OLFM1: variants seen among roughly 807,000 people sequenced by gnomAD.
The protein encoded by OLFM1 is noelin.
In OLFM1, 9 loss-of-function variants were observed where a neutral mutation model predicts 49.7. The ratio of observed to expected loss-of-function variants is 0.18; its 90% CI spans 0.11 to 0.32. The LOEUF is 0.32. OLFM1 is among the 10% of genes least tolerant of loss of function. OLFM1 has a pLI of 1.00. For missense variants in OLFM1, 369 were observed against 661.8 expected, an observed-to-expected ratio of 0.56 and a Z score of 4.85; for synonymous variants, 240 against 271.8, an observed-to-expected ratio of 0.88 and a Z score of 1.15.
chr9:135,118,361 A>ATGCTCACTGGGTCTTTGGAG (rs1831125547), intron 5 of OLFM1, among the ~76,000 whole-genome samples: 2 of 120,998 alleles, frequency 1.7e-5, no homozygotes, highest in Non-Finnish European at 3.4e-5. Context: ...GTCTTTGGAA[A>ATGCTCACTGGGTCTTTGGAG]TGCTCACTGG....
At chr9:135,077,314 C>T (rs751842425) in intron 1 of OLFM1, 54 of 1,403,344 alleles carry the variant, frequency 3.8e-5, no homozygotes, top group Middle Eastern at 5.3e-4. Context: ...TGGACATGGC[C>T]GCACCCAAGG....
chr9:135,086,171 G>A (rs1588204008), upstream of OLFM1, among the ~76,000 whole-genome samples: 1 of 152,216 alleles, frequency 6.6e-6, no homozygotes, highest in Non-Finnish European at 1.5e-5. Flanking sequence ...CAGCCCAACC[G>A]GACTTGTGTC....
chr9:135,097,145 C>T (rs1024472332), intron 3 of OLFM1, among the ~76,000 whole-genome samples: 2 of 152,122 alleles, frequency 1.3e-5, no homozygotes, highest in African/African-American at 2.4e-5. Flanking sequence ...TGTTTTTCTT[C>T]GATGTGCTCC....
intron 1 of OLFM1, among the ~76,000 whole-genome samples, chr9:135,079,317 G>A (rs993545384): frequency 1.9e-4 from 29 of 152,130 alleles, no homozygotes; most frequent in Non-Finnish European, 1.5e-4. Flanking sequence ...TAGTGAGCCC[G>A]GGGGAAAGAA....
upstream of OLFM1, among the ~76,000 whole-genome samples, chr9:135,085,236 G>A (rs55897348): frequency 1.3e-4 from 20 of 152,312 alleles, no homozygotes; most frequent in African/African-American, 2.4e-4. Context: ...TCCCACGAGC[G>A]TGGAAGGCAA....
intron 1 of OLFM1, chr9:135,076,027 C>G: frequency 6.9e-7 from 1 of 1,447,862 alleles, no homozygotes; most frequent in East Asian, 2.6e-5. Flanking sequence ...CCCGGCTCAG[C>G]AGAGCTGACA....
intron 4 of OLFM1, among the ~76,000 whole-genome samples, chr9:135,101,810 C>G (rs576253119): frequency 6.6e-6 from 1 of 152,374 alleles, no homozygotes; most frequent in African/African-American, 2.4e-5. Context: ...CATGGAGCTC[C>G]CGGGGCGTGG....
chr9:135,094,118 G>C (rs1159975625), intron 2 of OLFM1, among the ~76,000 whole-genome samples: 1 of 152,146 alleles, frequency 6.6e-6, no homozygotes, highest in African/African-American at 2.4e-5. Context: ...AATGGAGAGA[G>C]GGGTCTGGAC....
chr9:135,085,888 G>C (rs1272171726), upstream of OLFM1, among the ~76,000 whole-genome samples: 1 of 152,012 alleles, frequency 6.6e-6, no homozygotes, highest in Non-Finnish European at 1.5e-5. Context: ...GCAGGTTGGA[G>C]CCGCTCAGGT....
Position 135,120,017 on chromosome 9 carries a change from T to C in OLFM1, c.1297T>C (p.Ser433Pro). The C allele has an allele frequency of 6.2e-7, 1 of 1,613,878 alleles. No homozygotes were observed. The highest frequency in any genetic ancestry group is 8.5e-7 in the Non-Finnish European group (1 of 1,180,018). ...CCACTATGCATACCAGACCAATGCC[T>C]CCACCTATGAATACATCGACATCCC... The part of the protein sequence containing the change: ...KVHYAYQTNA[S>P]TYEYIDIPFQ... Residue 433 changes from serine (S) to proline (P), a missense_variant, in exon 6 of 6, where the codon TCC (serine) becomes CCC (proline). Ser to Pro is a moderately conservative substitution (Grantham distance 74). Around this residue, in one of 3 missense-constraint regions of OLFM1, gnomAD observed 294 missense variants for 567.5 expected, o/e 0.52. Transcript: ENST00000371793.
intron 2 of OLFM1, among the ~76,000 whole-genome samples, chr9:135,093,684 G>T (rs879735865): frequency 2.6e-5 from 4 of 152,112 alleles, no homozygotes; most frequent in Admixed American, 2.0e-4. Flanking sequence ...CTGCCAGTTG[G>T]CTCCTCAGAG....
intron 1 of OLFM1, among the ~76,000 whole-genome samples, chr9:135,079,680 A>T (rs1349066691): frequency 2.0e-5 from 3 of 151,802 alleles, no homozygotes; most frequent in Non-Finnish European, 4.4e-5. Context: ...GGAAACCCTG[A>T]CTCTCACATC....
chr9:135,096,091 C>G (rs1830787885), intron 3 of OLFM1, 72 bp downstream of exon 3: 1 of 1,150,996 alleles, frequency 8.7e-7, no homozygotes, highest in Non-Finnish European at 1.2e-6. Flanking sequence ...TCCCCTCCCT[C>G]CTCTCCTCCT....
rs1310504253 is a variant in OLFM1 at position 135,120,226 on chromosome 9, C to A, written c.*48C>A. The A allele has an allele frequency of 2.7e-6, 4 of 1,498,260 alleles. No homozygotes were observed. In the Admixed American group the frequency reaches 8.3e-5, roughly 31 times the overall value. 92.8% of individuals were successfully genotyped at this position (1,498,260 alleles called of 1,614,324 possible). On this transcript the variant is annotated 3_prime_UTR_variant, in exon 6 of 6. Coordinates refer to ENST00000371793, the MANE Select transcript of OLFM1 (RefSeq NM_001282611.2). Reference sequence around the variant, plus strand: ...GGCCCACGTCCTCACCACAAAGGGACTCCTGTGAAACTGCTGCCAAAAAGA... The same window carrying A: ...GGCCCACGTCCTCACCACAAAGGGAATCCTGTGAAACTGCTGCCAAAAAGA...
At chr9:135,087,214 C>G, upstream of OLFM1, 1 of 1,400,282 alleles carries the variant, frequency 7.1e-7, no homozygotes, top group Non-Finnish European at 9.2e-7. Flanking sequence ...GGAGCCTGCC[C>G]TGCCTGCTGG....
chr9:135,114,123 C>CTTTTTTTTTTTTTT lies in OLFM1; in HGVS notation c.784-5367_784-5354dup, dbSNP rs138372395. 4.0e-5 allele frequency among the ~76,000 whole-genome samples: 3 copies of CTTTTTTTTTTTTTT among 75,812 alleles called. 1 individual carries two copies. The highest frequency in any genetic ancestry group is 1.0e-4 in the African/African-American group (2 of 19,594). The allele number at this position is 75,812 out of a possible 152,430, so 49.7% of individuals were successfully genotyped here. A position where few individuals can be genotyped will look rare whatever the true frequency, so the allele number is the denominator to read the frequency against. On this transcript the variant is annotated intron_variant, in intron 5 of 5. Coordinates refer to ENST00000371793, the MANE Select transcript of OLFM1 (RefSeq NM_001282611.2). ...TCCAGGACCAGCTCATCTTGAGATT[C>CTTTTTTTTTTTTTT]TTTTTTTTTTTTTTTTTTTTTTTTT...
chr9:135,100,379 G>T (rs1037546821), intron 4 of OLFM1, among the ~76,000 whole-genome samples: 8 of 152,232 alleles, frequency 5.3e-5, no homozygotes, highest in African/African-American at 1.9e-4. Context: ...TTGTGAAAGA[G>T]ATCACATGGC....
In OLFM1 at chr9:135,091,342, G is replaced by C. The variant is rs181106793; in HGVS notation, c.300+998G>C. ...TGTTCCACCCATTGATTCCCCAGAA[G>C]AAAGGTGCATTTGCATGTAGTGCCT... On this transcript the variant is annotated intron_variant, in intron 2 of 5. Coordinates refer to ENST00000371793, the MANE Select transcript of OLFM1 (RefSeq NM_001282611.2). 4.8e-4 allele frequency among the ~76,000 whole-genome samples: 73 copies of C among 152,342 alleles called. No homozygotes were observed. The East Asian group carries it at 0.011, about 23-fold the overall frequency.
intron 5 of OLFM1, among the ~76,000 whole-genome samples, chr9:135,112,715 G>A (rs528503053): frequency 6.6e-6 from 1 of 152,366 alleles, no homozygotes; most frequent in African/African-American, 2.4e-5. Context: ...GGAGAGCTCA[G>A]CAGCAAGGGC....
Sources: gnomAD v4.1 joint callset for allele counts (sites outside exome capture counted in the v4.1 genomes callset) on GRCh38, gnomAD v4.1.1 for gene constraint, gnomAD v4.1.1 regional missense constraint, MANE v1.5 for transcripts, NCBI Gene and HGNC (gene_info 2026-07-23, HGNC 2026-07-21) for gene names.